Variants in RUFY2 observed in about 807,000 individuals in gnomAD.
RUFY2 encodes RUN and FYVE domain-containing protein 2.
Under a neutral mutation model 94.4 loss-of-function variants are expected in RUFY2, and 49 were observed. The ratio of observed to expected loss-of-function variants is 0.52; its 90% CI spans 0.41 to 0.66. RUFY2 has a LOEUF of 0.66. RUFY2 is among the 30% of genes least tolerant of loss of function. RUFY2 has a pLI of 0.00. For synonymous variants in RUFY2, 255 were observed against 235.7 expected (o/e 1.08, Z -0.75); for missense variants, 541 against 692.8 (o/e 0.78, Z 2.46).
intron 13 of RUFY2, among the ~76,000 whole-genome samples, chr10:68,367,259 G>A: frequency 6.6e-6 from 1 of 152,104 alleles, no homozygotes; most frequent in South Asian, 2.1e-4. Flanking sequence ...CAGTAACAGA[G>A]TACCAGAGTT....
At chr10:68,392,352 A>C (rs2133045385) in intron 7 of RUFY2, among the ~76,000 whole-genome samples, 1 of 152,180 alleles carries the variant, frequency 6.6e-6, no homozygotes, top group Non-Finnish European at 1.5e-5. Context: ...TTTCTATTAG[A>C]ATTGCACTTT....
At chr10:68,341,919 C>A, downstream of RUFY2, 2 of 1,596,300 alleles carry the variant, frequency 1.3e-6, no homozygotes, top group Non-Finnish European at 1.7e-6. Flanking sequence ...GCAGGTATTA[C>A]TTTTATTATT....
chr10:68,349,156 G>T, intron 16 of RUFY2, among the ~76,000 whole-genome samples: 1 of 152,078 alleles, frequency 6.6e-6, no homozygotes, highest in Non-Finnish European at 1.5e-5. Context: ...CAAGGTTTCC[G>T]ATAACTCTTA....
At chr10:68,370,448 C>CTT (rs949829713) in intron 13 of RUFY2, among the ~76,000 whole-genome samples, 10,469 of 126,040 alleles carry the variant, frequency 0.083, 598 homozygotes, top group South Asian at 0.22. Flanking sequence ...TTTCTTTTTT[C>CTT]TTTTTTTTTT....
At chr10:68,373,983 C>A (rs960471844) in intron 13 of RUFY2, among the ~76,000 whole-genome samples, 2 of 151,522 alleles carry the variant, frequency 1.3e-5, no homozygotes, top group African/African-American at 4.9e-5. Flanking sequence ...GGTATGGTGG[C>A]ACAATGCCTA....
chr10:68,358,357 T>C (rs1335756523), intron 15 of RUFY2, among the ~76,000 whole-genome samples: 1 of 152,204 alleles, frequency 6.6e-6, no homozygotes, highest in Non-Finnish European at 1.5e-5. Context: ...AAAATGCTCT[T>C]CATTCCAAGA....
At chr10:68,383,669 G>C in intron 10 of RUFY2, 129 bp downstream of exon 10, 2 of 696,438 alleles carry the variant, frequency 2.9e-6, no homozygotes. Flanking sequence ...AATTTGAGAA[G>C]ATTAAGGGGT....
At chr10:68,355,261 T>C in intron 16 of RUFY2, 92 bp downstream of exon 16, 2 of 909,120 alleles carry the variant, frequency 2.2e-6, no homozygotes, top group African/African-American at 1.7e-5. Flanking sequence ...CTATATATCC[T>C]GGGGTTAATA....
intron 3 of RUFY2, among the ~76,000 whole-genome samples, chr10:68,400,265 G>A (rs551311848): frequency 3.4e-4 from 51 of 152,142 alleles, no homozygotes; most frequent in African/African-American, 1.0e-3. Flanking sequence ...GCAGTGAGCC[G>A]AGATTGCACC....
intron 14 of RUFY2, 145 bp from the exon 15 acceptor site, chr10:68,363,829 G>GT (rs1278014333): frequency 4.9e-6 from 4 of 819,680 alleles, no homozygotes; most frequent in Non-Finnish European, 7.4e-6. Context: ...CCTAGCTGCT[G>GT]TATCAACTAT....
chr10:68,366,759 T>TATATATATATATAA lies in RUFY2; in HGVS notation c.1326-2647_1326-2646insTTATATATATATAT, dbSNP rs1235098742. ...TCTAAAATATATATATATATATATATAATATTAAATATATTAAATAAATAA... is the reference window on the plus strand; with the variant it reads ...TCTAAAATATATATATATATATATATATATATATATATAAAATATTAAATATATTAAATAAATAA... On this transcript the variant is annotated intron_variant, in intron 13 of 17. Coordinates refer to ENST00000602465, the MANE Select transcript of RUFY2 (RefSeq NM_001330103.2). 3.9e-3 allele frequency among the ~76,000 whole-genome samples: 520 copies of TATATATATATATAA among 131,824 alleles called. 6 individuals are homozygous for TATATATATATATAA. Among genetic ancestry groups the TATATATATATATAA allele is most frequent in the Non-Finnish European group, 6.7e-3 (421 of 62,888 alleles). 86.5% of individuals were successfully genotyped at this position (131,824 alleles called of 152,430 possible). A position where few individuals can be genotyped will look rare whatever the true frequency, so the allele number is the denominator to read the frequency against.
intron 2 of RUFY2, among the ~76,000 whole-genome samples, chr10:68,402,743 A>G (rs1197190188): frequency 6.6e-6 from 1 of 150,884 alleles, no homozygotes; most frequent in Non-Finnish European, 1.5e-5. Flanking sequence ...AAAGAGGAGC[A>G]TGGTTAAATT....
At chr10:68,346,238 A>G (rs1307573249) in intron 16 of RUFY2, 154 bp from the exon 17 acceptor site, 3 of 625,954 alleles carry the variant, frequency 4.8e-6, no homozygotes, top group Admixed American at 6.4e-5. Flanking sequence ...GTAAATATGT[A>G]TGGAATTAGC....
chr10:68,374,728 T>C (rs997504028), intron 13 of RUFY2, among the ~76,000 whole-genome samples: 1 of 152,222 alleles, frequency 6.6e-6, no homozygotes, highest in Non-Finnish European at 1.5e-5. Flanking sequence ...TCTGTTAATA[T>C]AATATGTAAC....
In RUFY2 at chr10:68,392,649, G is replaced by A. The variant is rs527551488; in HGVS notation, c.650+489C>T. 5.9e-5 allele frequency among the ~76,000 whole-genome samples: 9 copies of A among 151,914 alleles called. No homozygotes were observed. The South Asian group carries it at 1.7e-3, about 28-fold the overall frequency. Reference sequence around the variant, plus strand: ...TAAAAACCTGACTCTCGGGCCAGGCGTGGTGGTTCACGCCTGTAATCTCAG... The same window carrying A: ...TAAAAACCTGACTCTCGGGCCAGGCATGGTGGTTCACGCCTGTAATCTCAG... On this transcript the variant is annotated intron_variant, in intron 7 of 17. Transcript: ENST00000602465.
chr10:68,357,718 T>C (rs2047161322), intron 15 of RUFY2, among the ~76,000 whole-genome samples: 1 of 152,228 alleles, frequency 6.6e-6, no homozygotes, highest in Non-Finnish European at 1.5e-5. Flanking sequence ...ATTTTCACAA[T>C]ATATCCTGAA....
At position 68,394,635 on chromosome 10, in the gene RUFY2, A is replaced by AT. The variant is rs537420229; in HGVS notation, c.399-185dup. ...TATATTTTTTATTTTTTATTTATTA[A>AT]TTTTTTTTTTTTGAGACGAAGTCTT... On this transcript the variant is annotated intron_variant, in intron 4 of 17. Coordinates refer to ENST00000602465, the MANE Select transcript of RUFY2 (RefSeq NM_001330103.2). Among the ~76,000 whole-genome samples the AT allele has an allele frequency of 4.6e-4, 68 of 146,836 alleles. 1 individual carries two copies. The highest frequency in any genetic ancestry group is 5.9e-4 in the East Asian group (3 of 5,064).
At chr10:68,356,593 G>A (rs1292536726) in intron 15 of RUFY2, among the ~76,000 whole-genome samples, 1 of 151,924 alleles carries the variant, frequency 6.6e-6, no homozygotes, top group African/African-American at 2.4e-5. Flanking sequence ...TGTTACCCAG[G>A]CTGCAGTGCA....
At chr10:68,403,643 T>C (rs2051037715) in intron 2 of RUFY2, among the ~76,000 whole-genome samples, 1 of 152,210 alleles carries the variant, frequency 6.6e-6, no homozygotes, top group Non-Finnish European at 1.5e-5. Flanking sequence ...CTAGTATTTA[T>C]ACATTTTAAG....
Sources: allele counts gnomAD v4.1 joint callset (sites outside exome capture counted in the v4.1 genomes callset), GRCh38; gene constraint gnomAD v4.1.1; transcripts MANE v1.5; gene names NCBI Gene and HGNC (gene_info 2026-07-23, HGNC 2026-07-21).